The following ZNF365 variants were observed in gnomAD, a reference collection of about 807,000 sequenced individuals.
The protein encoded by ZNF365 is protein ZNF365.
ZNF365 carries 22 observed loss-of-function variants against 35.0 expected under a neutral mutation model. The ratio of observed to expected loss-of-function variants is 0.63; its 90% CI spans 0.45 to 0.90. The LOEUF (loss-of-function observed/expected upper bound fraction) is 0.90, where lower values mean the gene tolerates loss of function less well. Among genes scored for constraint, ZNF365 ranks in the 40% least tolerant of loss-of-function variants. ZNF365 has a pLI of 0.00. For missense variants in ZNF365, 448 were observed against 500.3 expected, an observed-to-expected ratio of 0.90 and a Z score of 1.00; for synonymous variants, 188 against 196.2, an observed-to-expected ratio of 0.96 and a Z score of 0.35.
At chr10:62,384,552 C>T (rs1405467515) in intron 2 of ZNF365, among the ~76,000 whole-genome samples, 1 of 152,198 alleles carries the variant, frequency 6.6e-6, no homozygotes, top group Non-Finnish European at 1.5e-5. Context: ...TCATAGAAGG[C>T]AGCTGGACTT....
intron 3 of ZNF365, among the ~76,000 whole-genome samples, chr10:62,412,008 C>A (rs557647053): frequency 1.2e-4 from 19 of 152,040 alleles, no homozygotes; most frequent in South Asian, 8.3e-4. Context: ...AGCCAGTATC[C>A]CTGATGAACA....
intron 3 of ZNF365, among the ~76,000 whole-genome samples, chr10:62,452,238 T>G (rs182366427): frequency 2.2e-4 from 33 of 152,292 alleles, no homozygotes; most frequent in African/African-American, 6.5e-4. Context: ...TTATTATTAG[T>G]GACTCTAGGA....
chr10:62,473,252 T>A (rs1841073708), intron 4 of ZNF365, among the ~76,000 whole-genome samples: 1 of 152,194 alleles, frequency 6.6e-6, no homozygotes. Flanking sequence ...GTGGGTCGAG[T>A]GGGACCTGAG....
chr10:62,387,003 G>A (rs575959371), intron 2 of ZNF365, among the ~76,000 whole-genome samples: 2 of 152,286 alleles, frequency 1.3e-5, no homozygotes, highest in African/African-American at 4.8e-5. Flanking sequence ...ACAGTGAGAG[G>A]CCATTCCTTG....
At chr10:62,447,722 C>T (rs1273951069) in intron 3 of ZNF365, among the ~76,000 whole-genome samples, 2 of 152,276 alleles carry the variant, frequency 1.3e-5, no homozygotes, top group Non-Finnish European at 2.9e-5. Context: ...CGGGGAATCA[C>T]GCTTCCCTGG....
chr10:62,376,285 G>A lies in ZNF365; in HGVS notation c.92G>A (p.Cys31Tyr). ...TGCCTGCCATTACGCTGCCCGAGGT[G>A]TGGAGACCATACCAGATTTAGAAGC... ...AVCLPLRCPRCGDHTRFRSLS... is the reference protein window; with the variant it reads ...AVCLPLRCPRYGDHTRFRSLS... Residue 31 changes from cysteine to tyrosine, a missense_variant, in exon 2 of 5, where the codon TGT becomes TAT. This residue lies in a region of ZNF365 where 76 missense variants were observed against 96.7 expected (regional missense o/e 0.79). Transcript: ENST00000395254. 1 of 1,614,136 alleles carries A rather than the reference G, an allele frequency of 6.2e-7. No individual in the cohort carries two copies. Among genetic ancestry groups the A allele is most frequent in the East Asian group, 2.2e-5 (1 of 44,884 alleles).
chr10:62,438,252 T>C (rs1286251127), intron 3 of ZNF365, among the ~76,000 whole-genome samples: 1 of 151,698 alleles, frequency 6.6e-6, no homozygotes, highest in African/African-American at 2.4e-5. Context: ...GCAATGGCTC[T>C]ATCTCAGCTC....
chr10:62,404,768 A>G (rs1381347658), downstream of ZNF365, among the ~76,000 whole-genome samples: 1 of 152,082 alleles, frequency 6.6e-6, no homozygotes. Context: ...TTGGGATTCT[A>G]TTGTTTTATA....
At chr10:62,410,302 G>T (rs1454195863) in intron 3 of ZNF365, among the ~76,000 whole-genome samples, 1 of 152,126 alleles carries the variant, frequency 6.6e-6, no homozygotes, top group Non-Finnish European at 1.5e-5. Context: ...TTGACCAGGA[G>T]ATTACAATGA....
intron 4 of ZNF365, among the ~76,000 whole-genome samples, chr10:62,471,814 A>G (rs955500347): frequency 6.6e-6 from 1 of 152,226 alleles, no homozygotes; most frequent in African/African-American, 2.4e-5. Flanking sequence ...TAACTTGAAC[A>G]TGATTTTTAA....
intron 3 of ZNF365, among the ~76,000 whole-genome samples, chr10:62,423,679 G>A (rs1840209022): frequency 6.6e-6 from 1 of 152,126 alleles, no homozygotes; most frequent in Non-Finnish European, 1.5e-5. Flanking sequence ...CCCAAAAGGA[G>A]CATGTAAATC....
chr10:62,406,999 C>G (rs1328625542), downstream of ZNF365, among the ~76,000 whole-genome samples: 2 of 152,156 alleles, frequency 1.3e-5, no homozygotes, highest in Non-Finnish European at 2.9e-5. Context: ...CAAGTATCTC[C>G]AGCTCCAGGA....
intron 4 of ZNF365, among the ~76,000 whole-genome samples, chr10:62,470,802 G>T (rs191891865): frequency 6.6e-6 from 1 of 151,840 alleles, no homozygotes; most frequent in Non-Finnish European, 1.5e-5. Context: ...GTTGCCTTTC[G>T]TTTATTTTGA....
chr10:62,453,122 T>C (rs1019921093), intron 3 of ZNF365, among the ~76,000 whole-genome samples: 1 of 152,238 alleles, frequency 6.6e-6, no homozygotes, highest in African/African-American at 2.4e-5. Context: ...ACTTGGAGTT[T>C]GTACATCTTT....
intron 2 of ZNF365, among the ~76,000 whole-genome samples, chr10:62,377,756 C>G (rs1031695666): frequency 2.6e-5 from 4 of 152,116 alleles, no homozygotes; most frequent in African/African-American, 9.7e-5. Context: ...TTCCCAAATG[C>G]AGAATGTCAG....
intron 3 of ZNF365, among the ~76,000 whole-genome samples, chr10:62,432,540 G>T (rs1444031191): frequency 6.6e-6 from 1 of 152,148 alleles, no homozygotes; most frequent in Non-Finnish European, 1.5e-5. Flanking sequence ...AGCACAGATG[G>T]ATTGACCATT....
chr10:62,387,798 A>G (rs900834059), intron 2 of ZNF365, among the ~76,000 whole-genome samples: 1 of 152,142 alleles, frequency 6.6e-6, no homozygotes, highest in Non-Finnish European at 1.5e-5. Flanking sequence ...TTGCTCCTAT[A>G]CTTTCTCTCC....
chr10:62,421,444 T>G (rs1053177277), intron 3 of ZNF365, among the ~76,000 whole-genome samples: 2 of 152,176 alleles, frequency 1.3e-5, no homozygotes, highest in East Asian at 3.9e-4. Context: ...CCATGAATCC[T>G]CTATACTCAG....
intron 3 of ZNF365, among the ~76,000 whole-genome samples, chr10:62,438,171 G>A (rs548277218): frequency 7.9e-5 from 12 of 151,348 alleles, no homozygotes; most frequent in Non-Finnish European, 1.5e-4. Flanking sequence ...TTTTCATACA[G>A]TATTTTCTTG....
Sources: gnomAD v4.1 joint callset for allele counts (sites outside exome capture counted in the v4.1 genomes callset) on GRCh38, gnomAD v4.1.1 for gene constraint, gnomAD v4.1.1 regional missense constraint, MANE v1.5 for transcripts, NCBI Gene and HGNC (gene_info 2026-07-23, HGNC 2026-07-21) for gene names.